Variants in EP400 observed in about 807,000 individuals in gnomAD.
EP400 encodes E1A binding protein p400.
In EP400, 105 loss-of-function variants were observed where a neutral mutation model predicts 354.1. That is an observed-to-expected ratio of 0.30 (90% confidence interval 0.25 to 0.35). The LOEUF (loss-of-function observed/expected upper bound fraction) is 0.35, where lower values mean the gene tolerates loss of function less well. Among genes scored for constraint, EP400 ranks in the 10% least tolerant of loss-of-function variants. The pLI is 1.00. For missense variants in EP400, 3,280 were observed against 4,121.0 expected (o/e 0.80, Z 5.59); for synonymous variants, 1,646 against 1,716.9 (o/e 0.96, Z 1.02).
chr12:132,010,085 C>CTT (rs771764984), intron 15 of EP400, among the ~76,000 whole-genome samples: 35 of 134,580 alleles, frequency 2.6e-4, no homozygotes, highest in South Asian at 1.7e-3. Context: ...GAGGTTGTGT[C>CTT]TTTTTTTTTT....
chr12:131,979,921 G>A, intron 3 of EP400, 128 bp downstream of exon 3: 1 of 644,770 alleles, frequency 1.6e-6, no homozygotes, highest in East Asian at 3.2e-5. Flanking sequence ...AAATTAACCT[G>A]TCTTACAGTG....
At chr12:132,015,978 C>A (rs1893917183) in intron 19 of EP400, among the ~76,000 whole-genome samples, 1 of 152,178 alleles carries the variant, frequency 6.6e-6, no homozygotes, top group Non-Finnish European at 1.5e-5. Flanking sequence ...ACCAGACTCC[C>A]TACCTGCCCA....
chr12:132,034,833 A>G (rs768498559), intron 30 of EP400, among the ~76,000 whole-genome samples: 1 of 151,804 alleles, frequency 6.6e-6, no homozygotes, highest in African/African-American at 2.4e-5. Flanking sequence ...GTGTTAGAAC[A>G]CTCTTGAAGA....
chr12:132,046,876 G>C (rs562846177), intron 39 of EP400, among the ~76,000 whole-genome samples: 8 of 152,360 alleles, frequency 5.3e-5, no homozygotes, highest in East Asian at 1.9e-4. Flanking sequence ...GACTTCCAGG[G>C]CACGTGCCAT....
intron 39 of EP400, among the ~76,000 whole-genome samples, chr12:132,049,049 TA>T (rs1336432676): frequency 6.6e-6 from 1 of 152,212 alleles, no homozygotes; most frequent in African/African-American, 2.4e-5. Flanking sequence ...CCGAGCCCCC[TA>T]AAGGACATCC....
intron 25 of EP400, among the ~76,000 whole-genome samples, chr12:132,026,098 A>G (rs1359703996): frequency 6.6e-6 from 1 of 152,084 alleles, no homozygotes; most frequent in Non-Finnish European, 1.5e-5. Flanking sequence ...TTGTTTGTAT[A>G]TCGCCAGTGT....
intron 7 of EP400, 92 bp downstream of exon 7, chr12:131,987,982 ACTT>A: frequency 1.1e-5 from 7 of 628,552 alleles, no homozygotes; most frequent in Non-Finnish European, 1.5e-5. Flanking sequence ...CTCCAGACCC[ACTT>A]TTTTTTTTTT....
Position 131,981,572 on chromosome 12 carries a change from C to T in EP400, c.1519C>T (p.Gln507Ter). Residue 507 changes from glutamine (Q) to a stop codon, truncating the protein, a stop_gained, in exon 4 of 53, where the codon CAG becomes TAG. Transcript: ENST00000389561. LOFTEE classifies it high-confidence loss of function. ...HPGADAGVPL[Q>*]QLMPTAQGGM... ...AGGGGCGGACGCAGGCGTTCCTCTC[C>T]AGCAACTAATGCCGACCGCACAAGG... 1 of 1,601,070 alleles carries T rather than the reference C, an allele frequency of 6.2e-7. No homozygotes were observed. The highest frequency in any genetic ancestry group is 8.5e-7 in the Non-Finnish European group (1 of 1,174,170).
At position 132,064,710 on chromosome 12, in the gene EP400, C is replaced by T. The variant is rs368927681; in HGVS notation, c.8377C>T (p.Pro2793Ser). 177 of 1,613,516 alleles carry T rather than the reference C, an allele frequency of 1.1e-4. No homozygotes were observed. Among genetic ancestry groups the T allele is most frequent in the East Asian group, 2.9e-4 (13 of 44,884 alleles). ...KMQKQKLQMP[P>S]QPPPPQAQSA... ...GCAGAAGCAGAAACTGCAGATGCCC[C>T]CGCAGCCCCCACCGCCACAGGCCCA... Residue 2793 changes from proline to serine, a missense_variant, in exon 48 of 53, where the codon CCG (proline) becomes TCG (serine). This residue lies in a region of EP400 where 86 missense variants were observed against 66.4 expected (regional missense o/e 1.29). Transcript: ENST00000389561.
rs995640401 is a variant in EP400, at chr12:132,013,463, C to T, written c.3612-27C>T. 1.3e-6 allele frequency: 2 copies of T among 1,531,104 alleles called. No homozygotes were observed. Among genetic ancestry groups the T allele is most frequent in the Non-Finnish European group, 8.8e-7 (1 of 1,139,074 alleles). 94.8% of individuals were successfully genotyped at this position (1,531,104 alleles called of 1,614,324 possible). On this transcript the variant is annotated intron_variant, in intron 17 of 52. Coordinates refer to ENST00000389561, the MANE Select transcript of EP400 (RefSeq NM_015409.5). This position sits in a 1 kb window ranked among gnomAD's most constrained non-coding sequence, Gnocchi z 4.5. The stretch of plus-strand genomic sequence containing the variant: ...AGCCAGCCCCGTGGCTGTAGAACTC[C>T]AGTGTTGTCTCTTGTCCTGTTTGCA...
chr12:131,978,671 A>G (rs1892565659), intron 2 of EP400, among the ~76,000 whole-genome samples: 1 of 151,904 alleles, frequency 6.6e-6, no homozygotes, highest in African/African-American at 2.4e-5. Context: ...ATGCCTGGCT[A>G]ACATTTTAAT....
At chr12:132,028,363 G>A (rs751355239) in intron 27 of EP400, 75 bp downstream of exon 27, 6 of 1,555,828 alleles carry the variant, frequency 3.9e-6, no homozygotes, top group Non-Finnish European at 5.3e-6. Flanking sequence ...CTTGTCTCGT[G>A]GATGTACATC....
intron 6 of EP400, 58 bp from the exon 7 acceptor site, chr12:131,987,647 G>A (rs1892896045): frequency 1.4e-6 from 2 of 1,465,710 alleles, no homozygotes; most frequent in Non-Finnish European, 1.8e-6. Context: ...TGGGGTCTGA[G>A]TTGGTGGAAC....
chr12:132,038,427 G>A lies in EP400; in HGVS notation c.6207+331G>A, dbSNP rs1408343076. ...CCTGCCTCCTCTGGAGGCTCTGCGG[G>A]CACTACCCCTACTCCCCTCTAGCTG... On this transcript the variant is annotated intron_variant, in intron 32 of 52. Coordinates refer to ENST00000389561, the MANE Select transcript of EP400 (RefSeq NM_015409.5). The surrounding 1 kb of genome is among the most constrained non-coding windows in gnomAD (Gnocchi z 4.2). Among the ~76,000 whole-genome samples the A allele has an allele frequency of 6.6e-6, 1 of 152,174 alleles. No individual in the cohort carries two copies. Among genetic ancestry groups the A allele is most frequent in the African/African-American group, 2.4e-5 (1 of 41,438 alleles).
chr12:131,991,583 T>C, intron 10 of EP400, 127 bp downstream of exon 10: 1 of 919,546 alleles, frequency 1.1e-6, no homozygotes. Context: ...TTTCTTTTTT[T>C]TTTTTTTTTG....
intron 45 of EP400, among the ~76,000 whole-genome samples, chr12:132,057,852 C>T (rs907252430): frequency 3.9e-5 from 6 of 152,110 alleles, no homozygotes; most frequent in Middle Eastern, 3.2e-3. Flanking sequence ...TGAAAAAGAC[C>T]TGTTCTTTGT....
Position 132,077,865 on chromosome 12 carries a change from G to C in EP400, c.*192G>C. 1.3e-6 allele frequency: 1 copy of C among 766,214 alleles called. No homozygotes were observed. The allele number at this position is 766,214 out of a possible 1,614,324, so 47.5% of individuals were successfully genotyped here. On this transcript the variant is annotated 3_prime_UTR_variant, in exon 53 of 53. Transcript: ENST00000389561. ...GGACAAATGGTCCTTATGGAGTGCC[G>C]CGTTCTCTGTACTACGTGGCTCATG...
rs553717348 is a variant in EP400 at position 132,038,369 on chromosome 12, C to T, written c.6207+273C>T. Among the ~76,000 whole-genome samples the T allele has an allele frequency of 6.6e-6, 1 of 152,352 alleles. No homozygotes were observed. Among genetic ancestry groups the T allele is most frequent in the Non-Finnish European group, 1.5e-5 (1 of 68,040 alleles). ...GTCTTCATCTGCACTTTGCCACAGTCTCAGCTCCTTCCCCTCCCCATGGAA... is the reference window on the plus strand; with the variant it reads ...GTCTTCATCTGCACTTTGCCACAGTTTCAGCTCCTTCCCCTCCCCATGGAA... On this transcript the variant is annotated intron_variant, in intron 32 of 52. Transcript: ENST00000389561. This position sits in a 1 kb window ranked among gnomAD's most constrained non-coding sequence, Gnocchi z 4.2.
At chr12:132,033,095 G>A (rs771280742) in intron 30 of EP400, among the ~76,000 whole-genome samples, 33 of 151,994 alleles carry the variant, frequency 2.2e-4, no homozygotes, top group Admixed American at 1.0e-3. Flanking sequence ...TTACAGGTGC[G>A]CGCCACCATG....
Sources: gnomAD v4.1 joint callset for allele counts (sites outside exome capture counted in the v4.1 genomes callset) on GRCh38, gnomAD v4.1.1 for gene constraint, gnomAD v4.1.1 regional missense constraint, Gnocchi (gnomAD v3.1) non-coding constraint, MANE v1.5 for transcripts, NCBI Gene and HGNC (gene_info 2026-07-23, HGNC 2026-07-21) for gene names.